The following PPP3CA variants were observed in gnomAD, a reference collection of about 807,000 sequenced individuals.
PPP3CA encodes protein phosphatase 3 catalytic subunit alpha, also known as CAM-PRP catalytic subunit.
PPP3CA carries 14 observed loss-of-function variants against 66.5 expected under a neutral mutation model. The observed-to-expected ratio is 0.21, with a 90% CI of 0.14 to 0.33. The LOEUF (loss-of-function observed/expected upper bound fraction) is 0.33. PPP3CA is among the 10% of genes least tolerant of loss of function. The probability of loss-of-function intolerance (pLI) is 1.00; values close to 1 mark genes in which losing one functional copy is unlikely to be tolerated. For synonymous variants in PPP3CA, 232 were observed against 226.2 expected, an observed-to-expected ratio of 1.03 and a Z score of -0.23; for missense variants, 317 against 639.5, an observed-to-expected ratio of 0.50 and a Z score of 5.44.
intron 1 of PPP3CA, among the ~76,000 whole-genome samples, chr4:101,320,779 G>A (rs1729018846): frequency 6.6e-6 from 1 of 152,126 alleles, no homozygotes; most frequent in Non-Finnish European, 1.5e-5. Context: ...TGATCCAGGA[G>A]TAGGCATATG....
chr4:101,258,662 C>T (rs1009836088), intron 1 of PPP3CA, among the ~76,000 whole-genome samples: 9 of 152,036 alleles, frequency 5.9e-5, no homozygotes, highest in Non-Finnish European at 1.3e-4. Flanking sequence ...TCCTTTACCA[C>T]CACCCATTTC....
chr4:101,080,738 C>T (rs936636537), intron 7 of PPP3CA, 112 bp from the exon 8 acceptor site: 2 of 514,124 alleles, frequency 3.9e-6, no homozygotes, highest in Non-Finnish European at 6.4e-6. Context: ...TTCAAAGGGC[C>T]TCCAATCATA....
At chr4:101,262,211 G>A (rs1383747404) in intron 1 of PPP3CA, among the ~76,000 whole-genome samples, 1 of 151,896 alleles carries the variant, frequency 6.6e-6, no homozygotes, top group African/African-American at 2.4e-5. Context: ...GGCAGTCAAA[G>A]GCAGTGTTAT....
intron 1 of PPP3CA, among the ~76,000 whole-genome samples, chr4:101,295,193 C>T (rs1054476399): frequency 2.0e-5 from 3 of 147,684 alleles, no homozygotes; most frequent in Non-Finnish European, 3.0e-5. Context: ...CCCAGCTACT[C>T]GGGAGGCTGA....
intron 2 of PPP3CA, among the ~76,000 whole-genome samples, chr4:101,113,123 T>C (rs908585125): frequency 6.6e-6 from 1 of 152,014 alleles, no homozygotes; most frequent in Admixed American, 6.6e-5. Context: ...AAGTCACAGG[T>C]TTCAATACAG....
intron 2 of PPP3CA, among the ~76,000 whole-genome samples, chr4:101,186,852 A>C (rs1369737104): frequency 2.0e-5 from 3 of 152,126 alleles, no homozygotes; most frequent in Non-Finnish European, 4.4e-5. Flanking sequence ...AAAACCATAC[A>C]CTAGAATCAA....
At chr4:101,031,301 TAAGC>T (rs1454735896) in intron 12 of PPP3CA, among the ~76,000 whole-genome samples, 1 of 152,050 alleles carries the variant, frequency 6.6e-6, no homozygotes, top group Non-Finnish European at 1.5e-5. Flanking sequence ...TACAGGAAAA[TAAGC>T]AAGAGGCCGA....
At chr4:101,046,725 T>C (rs192658925) in intron 10 of PPP3CA, among the ~76,000 whole-genome samples, 1 of 152,276 alleles carries the variant, frequency 6.6e-6, no homozygotes, top group East Asian at 1.9e-4. Flanking sequence ...GGGTCAATAT[T>C]ATTAAACAGA....
At chr4:101,283,344 C>T (rs947705710) in intron 1 of PPP3CA, among the ~76,000 whole-genome samples, 1 of 152,140 alleles carries the variant, frequency 6.6e-6, no homozygotes, top group Non-Finnish European at 1.5e-5. Context: ...AGAGCATTGT[C>T]TAGCATGGCT....
intron 10 of PPP3CA, among the ~76,000 whole-genome samples, chr4:101,052,540 T>G (rs1360313035): frequency 6.6e-6 from 1 of 151,718 alleles, no homozygotes; most frequent in Admixed American, 6.6e-5. Flanking sequence ...AGCTTTTAAA[T>G]TAGACACAAA....
intron 1 of PPP3CA, among the ~76,000 whole-genome samples, chr4:101,297,358 T>A (rs1728229460): frequency 6.6e-6 from 1 of 152,200 alleles, no homozygotes; most frequent in Non-Finnish European, 1.5e-5. Flanking sequence ...GGGGCAAAAC[T>A]AATGATGATC....
chr4:101,171,380 T>G (rs1329143582), intron 2 of PPP3CA, among the ~76,000 whole-genome samples: 1 of 150,618 alleles, frequency 6.6e-6, no homozygotes, highest in Non-Finnish European at 1.5e-5. Flanking sequence ...TCAAAGAAGG[T>G]TGACAGCTTA....
intron 1 of PPP3CA, among the ~76,000 whole-genome samples, chr4:101,243,019 G>A (rs1726362386): frequency 6.6e-6 from 1 of 152,170 alleles, no homozygotes; most frequent in African/African-American, 2.4e-5. Flanking sequence ...GGGTTAAAGG[G>A]AACAGAAAGG....
intron 1 of PPP3CA, among the ~76,000 whole-genome samples, chr4:101,313,631 TG>T (rs1728793783): frequency 6.6e-6 from 1 of 152,118 alleles, no homozygotes; most frequent in African/African-American, 2.4e-5. Context: ...CCATGTTGGT[TG>T]GTAGTATTTT....
intron 1 of PPP3CA, among the ~76,000 whole-genome samples, chr4:101,215,616 A>G (rs1725429230): frequency 6.6e-6 from 1 of 152,074 alleles, no homozygotes; most frequent in Admixed American, 6.6e-5. Context: ...AGGGGAAAGA[A>G]AGTTCAATTA....
intron 2 of PPP3CA, among the ~76,000 whole-genome samples, chr4:101,186,057 TA>T (rs1205754548): frequency 6.6e-6 from 1 of 152,166 alleles, no homozygotes; most frequent in Non-Finnish European, 1.5e-5. Flanking sequence ...CAATCAATAT[TA>T]TATTGTTTTG....
chr4:101,161,153 C>T (rs915953120), intron 2 of PPP3CA, among the ~76,000 whole-genome samples: 3 of 151,938 alleles, frequency 2.0e-5, no homozygotes, highest in Non-Finnish European at 2.9e-5. Flanking sequence ...GGTTTGTAGC[C>T]GAGAAGCAAT....
intron 1 of PPP3CA, among the ~76,000 whole-genome samples, chr4:101,234,892 T>A (rs1439590054): frequency 1.3e-5 from 2 of 151,834 alleles, no homozygotes; most frequent in Non-Finnish European, 2.9e-5. Flanking sequence ...AATAAGAGTC[T>A]GAATATTATT....
At chr4:101,232,073 A>G (rs986929912) in intron 1 of PPP3CA, among the ~76,000 whole-genome samples, 5 of 151,754 alleles carry the variant, frequency 3.3e-5, no homozygotes, top group South Asian at 4.1e-4. Context: ...TCACCTCAGC[A>G]CCTAAACCCT....
Sources: gnomAD v4.1 joint callset for allele counts (sites outside exome capture counted in the v4.1 genomes callset) on GRCh38, gnomAD v4.1.1 for gene constraint, MANE v1.5 for transcripts, NCBI Gene and HGNC (gene_info 2026-07-23, HGNC 2026-07-21) for gene names.